OSBP2: variants seen among roughly 807,000 people sequenced by gnomAD.
OSBP2 encodes the protein oxysterol binding protein 2.
In OSBP2, 66 loss-of-function variants were observed where a neutral mutation model predicts 96.0. The observed-to-expected ratio is 0.69, with a 90% confidence interval of 0.56 to 0.84. OSBP2 has a LOEUF of 0.84. Ranked by LOEUF, OSBP2 falls within the 40% of genes least tolerant of loss-of-function variation. OSBP2 has a pLI of 0.00. For missense variants in OSBP2, 1,038 were observed against 1,222.7 expected, an observed-to-expected ratio of 0.85 and a Z score of 2.25; for synonymous variants, 525 against 520.9, an observed-to-expected ratio of 1.01 and a Z score of -0.11.
intron 1 of OSBP2, among the ~76,000 whole-genome samples, chr22:30,705,143 C>T (rs895057432): frequency 1.3e-5 from 2 of 152,156 alleles, no homozygotes; most frequent in South Asian, 4.1e-4. Context: ...CTCTGTGGCT[C>T]TCCTGGCCCT....
At chr22:30,707,204 C>A (rs142804527) in intron 1 of OSBP2, among the ~76,000 whole-genome samples, 2,288 of 152,090 alleles carry the variant, frequency 0.015, 30 homozygotes, top group Middle Eastern at 0.044. Flanking sequence ...TCAAGCAATT[C>A]TTCTGCCTCA....
chr22:30,776,389 T>C (rs552270453), intron 2 of OSBP2, among the ~76,000 whole-genome samples: 1 of 152,240 alleles, frequency 6.6e-6, no homozygotes, highest in Admixed American at 6.5e-5. Flanking sequence ...CCTCCCAACA[T>C]GCTGGGATTA....
chr22:30,818,095 G>A (rs755210322), intron 2 of OSBP2, among the ~76,000 whole-genome samples: 5 of 151,994 alleles, frequency 3.3e-5, no homozygotes, highest in Admixed American at 6.6e-5. Context: ...ATGGAGTTTC[G>A]CCATGTTGCC....
intron 1 of OSBP2, among the ~76,000 whole-genome samples, chr22:30,727,644 G>C (rs1602178834): frequency 6.6e-6 from 1 of 152,222 alleles, no homozygotes; most frequent in Non-Finnish European, 1.5e-5. Context: ...ACCAGTCATT[G>C]TTGCTGCTAT....
At chr22:30,841,592 G>A (rs765948742) in intron 2 of OSBP2, among the ~76,000 whole-genome samples, 1 of 152,178 alleles carries the variant, frequency 6.6e-6, no homozygotes, top group African/African-American at 2.4e-5. Context: ...CAATAAGTGC[G>A]TCACATGAAT....
rs188141954 is a variant in OSBP2 at position 30,874,740 on chromosome 22, C to G, written c.1107+4058C>G. On this transcript the variant is annotated intron_variant, in intron 3 of 13. Transcript: ENST00000332585. ...GAACAGCAACGCTGTGTTTCAACCC[C>G]CCACGCCTTTACCAGTGCTGTACCT... 4.2e-3 allele frequency among the ~76,000 whole-genome samples: 641 copies of G among 152,344 alleles called. 5 individuals carry two copies. Among genetic ancestry groups the G allele is most frequent in the African/African-American group, 0.015 (626 of 41,572 alleles).
chr22:30,789,812 A>G (rs1317211811), intron 2 of OSBP2, among the ~76,000 whole-genome samples: 1 of 152,168 alleles, frequency 6.6e-6, no homozygotes, highest in African/African-American at 2.4e-5. Flanking sequence ...GCTCTCTAAG[A>G]AGGAGGGTCT....
intron 3 of OSBP2, among the ~76,000 whole-genome samples, chr22:30,884,285 C>T (rs2039763967): frequency 6.6e-6 from 1 of 152,216 alleles, no homozygotes; most frequent in Non-Finnish European, 1.5e-5. Flanking sequence ...ATGGGGGTGA[C>T]TGCACTCCTC....
chr22:30,875,765 C>T (rs1004211423), intron 3 of OSBP2, among the ~76,000 whole-genome samples: 6 of 152,192 alleles, frequency 3.9e-5, no homozygotes, highest in Non-Finnish European at 5.9e-5. Context: ...TCAGCAGCCC[C>T]GTCATGAACT....
intron 2 of OSBP2, among the ~76,000 whole-genome samples, chr22:30,853,799 C>A (rs1225089592): frequency 2.7e-5 from 4 of 149,664 alleles, no homozygotes; most frequent in Non-Finnish European, 5.9e-5. Context: ...GACAGAGTCT[C>A]GCTCTGTCCC....
chr22:30,883,150 G>A (rs2039737317), intron 3 of OSBP2, among the ~76,000 whole-genome samples: 3 of 152,304 alleles, frequency 2.0e-5, no homozygotes, highest in South Asian at 4.1e-4. Context: ...CAGAGGCCTT[G>A]TGCAGCCAGA....
intron 2 of OSBP2, among the ~76,000 whole-genome samples, chr22:30,850,287 A>G (rs1209872592): frequency 6.7e-6 from 1 of 148,762 alleles, no homozygotes; most frequent in Non-Finnish European, 1.5e-5. Context: ...AACCTGGGTA[A>G]CAGAGCTAGA....
At chr22:30,776,647 A>G (rs1014378140) in intron 2 of OSBP2, among the ~76,000 whole-genome samples, 8 of 151,758 alleles carry the variant, frequency 5.3e-5, no homozygotes, top group African/African-American at 1.2e-4. Context: ...CCTAAGGGTA[A>G]ATTCTTAGAA....
At chr22:30,863,081 G>T (rs550973320) in intron 2 of OSBP2, among the ~76,000 whole-genome samples, 9 of 152,244 alleles carry the variant, frequency 5.9e-5, no homozygotes, top group Admixed American at 5.2e-4. Context: ...AGAATACCAT[G>T]TAACATGTGG....
intron 1 of OSBP2, among the ~76,000 whole-genome samples, chr22:30,710,496 A>T (rs1008151409): frequency 6.6e-6 from 1 of 152,064 alleles, no homozygotes; most frequent in African/African-American, 2.4e-5. Flanking sequence ...AGTCTCTTCA[A>T]GTTGGCCCTA....
chr22:30,906,501 C>T lies in OSBP2; in HGVS notation c.*162C>T. 1.1e-6 allele frequency: 1 copy of T among 873,392 alleles called. No individual in the cohort carries two copies. Among genetic ancestry groups the T allele is most frequent in the African/African-American group, 1.7e-5 (1 of 57,150 alleles). The allele number at this position is 873,392 out of a possible 1,614,324, so 54.1% of individuals were successfully genotyped here. A position where few individuals can be genotyped will look rare whatever the true frequency, so the allele number is the denominator to read the frequency against. ...TCCCCACACTTTCTTGGGACTCCCA[C>T]CTTGGAAGGAGGAAGGGCTGACCTG... is the stretch of plus-strand genomic sequence containing the variant. On this transcript the variant is annotated 3_prime_UTR_variant, in exon 14 of 14. Coordinates refer to ENST00000332585, the MANE Select transcript of OSBP2 (RefSeq NM_030758.4).
rs1440239507 is a variant in OSBP2 at position 30,738,106 on chromosome 22, GCTTACCCAC to G, written c.645-3052_645-3044del. Among the ~76,000 whole-genome samples the G allele has an allele frequency of 1.7e-4, 25 of 148,326 alleles. 3 individuals carry two copies. Among genetic ancestry groups the G allele is most frequent in the Admixed American group, 1.5e-3 (22 of 14,822 alleles). ...TTTTTTTTTTCAACTCCAGAAATATGCTTACCCACCTGCCTGATTTTTTTGCTTCATTTT... is the reference window on the plus strand; with the variant it reads ...TTTTTTTTTTCAACTCCAGAAATATGCTGCCTGATTTTTTTGCTTCATTTT... On this transcript the variant is annotated intron_variant, in intron 1 of 13. Coordinates refer to ENST00000332585, the MANE Select transcript of OSBP2 (RefSeq NM_030758.4).
At chr22:30,751,435 A>G (rs897058642) in intron 2 of OSBP2, among the ~76,000 whole-genome samples, 2 of 151,658 alleles carry the variant, frequency 1.3e-5, no homozygotes, top group African/African-American at 4.9e-5. Flanking sequence ...GCTCACTGCA[A>G]CCCCCATCTC....
intron 1 of OSBP2, chr22:30,731,725 A>C (rs111697972): frequency 6.5e-6 from 1 of 154,596 alleles, no homozygotes; most frequent in Non-Finnish European, 1.5e-5. Flanking sequence ...TTCCCTGAGC[A>C]GGAAGGTACA....
Sources: gnomAD v4.1 joint callset for allele counts (sites outside exome capture counted in the v4.1 genomes callset) on GRCh38, gnomAD v4.1.1 for gene constraint, MANE v1.5 for transcripts, NCBI Gene and HGNC (gene_info 2026-07-23, HGNC 2026-07-21) for gene names.